Variants in LRFN2 observed in about 807,000 individuals in gnomAD.
The protein encoded by LRFN2 is leucine-rich repeat and fibronectin type-III domain-containing protein 2.
LRFN2 carries 18 observed loss-of-function variants against 37.3 expected under a neutral mutation model. That is an observed-to-expected ratio of 0.48 (90% CI 0.33 to 0.72). The LOEUF (loss-of-function observed/expected upper bound fraction) is 0.72, where lower values mean the gene tolerates loss of function less well. Ranked by LOEUF, LRFN2 falls within the 30% of genes least tolerant of loss-of-function variation. The probability of loss-of-function intolerance (pLI) is 0.02; values close to 1 mark genes in which losing one functional copy is unlikely to be tolerated. For synonymous variants in LRFN2, 556 were observed against 466.6 expected (o/e 1.19, Z -2.47); for missense variants, 1,006 against 1,060.7 (o/e 0.95, Z 0.72).
chr6:40,460,490 G>T (rs544977499), intron 1 of LRFN2, among the ~76,000 whole-genome samples: 1 of 152,274 alleles, frequency 6.6e-6, no homozygotes, highest in South Asian at 2.1e-4. Context: ...TGGAGAGCTG[G>T]ATTCAGCCCA....
chr6:40,571,951 G>A (rs1376752941), intron 1 of LRFN2, among the ~76,000 whole-genome samples: 6 of 152,210 alleles, frequency 3.9e-5, no homozygotes, highest in Non-Finnish European at 8.8e-5. Context: ...TGGAGGTTCT[G>A]AAGCTGCCCA....
At position 40,425,373 on chromosome 6, in the gene LRFN2, T is replaced by C. The variant is rs141562728; in HGVS notation, c.1400+6341A>G. On this transcript the variant is annotated intron_variant, in intron 2 of 2. Transcript: ENST00000338305. ...GGCTCTCCTGGGGATCATTCCAACA[T>C]CACGCCTGGTGACAGATGTTCTTGA... Among the ~76,000 whole-genome samples the C allele has an allele frequency of 3.6e-4, 55 of 152,330 alleles. No homozygotes were observed. In the East Asian group the frequency reaches 8.5e-3, roughly 24 times the overall value.
chr6:40,445,931 G>A (rs1315370784), intron 1 of LRFN2, among the ~76,000 whole-genome samples: 1 of 152,152 alleles, frequency 6.6e-6, no homozygotes, highest in African/African-American at 2.4e-5. Flanking sequence ...CCAGGGCCAG[G>A]CACAAAATAA....
intron 1 of LRFN2, among the ~76,000 whole-genome samples, chr6:40,535,634 C>T (rs1340906265): frequency 1.3e-5 from 2 of 152,316 alleles, no homozygotes; most frequent in Non-Finnish European, 2.9e-5. Flanking sequence ...CACCCTCCTC[C>T]TGCCCTCCAG....
At chr6:40,480,507 G>A (rs1298224321) in intron 1 of LRFN2, among the ~76,000 whole-genome samples, 1 of 152,170 alleles carries the variant, frequency 6.6e-6, no homozygotes, top group East Asian at 1.9e-4. Flanking sequence ...CGACCTCCTG[G>A]GTTCAATGAA....
chr6:40,462,234 GT>G (rs569274552), intron 1 of LRFN2, among the ~76,000 whole-genome samples: 105 of 152,324 alleles, frequency 6.9e-4, no homozygotes, highest in African/African-American at 2.3e-3. Context: ...CCCTGGCTTG[GT>G]CCAATGGCAG....
intron 1 of LRFN2, 99 bp from the exon 2 acceptor site, chr6:40,433,230 T>TGAG: frequency 2.1e-6 from 2 of 934,312 alleles, no homozygotes; most frequent in Non-Finnish European, 1.5e-6. Flanking sequence ...CCTTAGGGAG[T>TGAG]GGCATAGAAT....
At chr6:40,497,288 C>A (rs1659016028) in intron 1 of LRFN2, among the ~76,000 whole-genome samples, 1 of 152,154 alleles carries the variant, frequency 6.6e-6, no homozygotes. Context: ...CCACTGAGGA[C>A]CCTAGCATCT....
At chr6:40,555,563 A>G (rs1181072440) in intron 1 of LRFN2, among the ~76,000 whole-genome samples, 1 of 152,200 alleles carries the variant, frequency 6.6e-6, no homozygotes, top group African/African-American at 2.4e-5. Context: ...TCCAGGGTGC[A>G]GGAGGAGGAG....
chr6:40,519,592 G>C (rs1459441463), intron 1 of LRFN2, among the ~76,000 whole-genome samples: 1 of 152,196 alleles, frequency 6.6e-6, no homozygotes, highest in Non-Finnish European at 1.5e-5. Flanking sequence ...CAGCCTGCTG[G>C]TCTCAGGGGT....
At chr6:40,581,459 T>C (rs1459611851) in intron 1 of LRFN2, among the ~76,000 whole-genome samples, 10 of 152,176 alleles carry the variant, frequency 6.6e-5, no homozygotes. Context: ...CCAGCAAGCA[T>C]TCTCTGACCA....
chr6:40,433,063 C>A lies in LRFN2; in HGVS notation c.51G>T (p.Val17=). Residue 17 remains valine (V), a synonymous_variant, in exon 2 of 3, where the codon GTG becomes GTT. Transcript: ENST00000338305. ...CACAGTACTTGGGGCAGGCGTCGAC[C>A]ACGGCAAACGCCATGCCAAACGCTA... ...GLLAFGMAFA[V]VDACPKYCVC... is the part of the protein sequence containing the mutation. The A allele has an allele frequency of 1.3e-6, 2 of 1,549,404 alleles. No individual in the cohort carries two copies. The highest frequency in any genetic ancestry group is 1.7e-6 in the Non-Finnish European group (2 of 1,149,086).
At chr6:40,445,086 G>A (rs559462501) in intron 1 of LRFN2, among the ~76,000 whole-genome samples, 3 of 152,260 alleles carry the variant, frequency 2.0e-5, no homozygotes, top group Middle Eastern at 3.4e-3. Flanking sequence ...CCAGCCCCAC[G>A]TGGGCATGCA....
intron 1 of LRFN2, among the ~76,000 whole-genome samples, chr6:40,509,780 G>A (rs566775831): frequency 3.3e-5 from 5 of 151,178 alleles, no homozygotes; most frequent in Non-Finnish European, 7.4e-5. Flanking sequence ...TGTGCAGGCA[G>A]TGGGGTGGGG....
At chr6:40,495,525 A>G (rs1215507957) in intron 1 of LRFN2, among the ~76,000 whole-genome samples, 1 of 152,062 alleles carries the variant, frequency 6.6e-6, no homozygotes, top group African/African-American at 2.4e-5. Flanking sequence ...TGACCACCCA[A>G]CATCTTCTCA....
intron 1 of LRFN2, among the ~76,000 whole-genome samples, chr6:40,486,766 G>T (rs148175370): frequency 2.6e-5 from 4 of 152,326 alleles, no homozygotes; most frequent in East Asian, 1.9e-4. Flanking sequence ...TCCCACAAGG[G>T]TGTGTACGAG....
intron 2 of LRFN2, among the ~76,000 whole-genome samples, chr6:40,421,259 T>C (rs1215043646): frequency 1.3e-5 from 2 of 152,234 alleles, no homozygotes; most frequent in African/African-American, 2.4e-5. Context: ...AAGTATCTGA[T>C]AGGTCTCAAT....
At chr6:40,577,103 C>CTCTTCTCTTCTCTTCTCTT (rs1378101431) in intron 1 of LRFN2, among the ~76,000 whole-genome samples, 1 of 116,628 alleles carries the variant, frequency 8.6e-6, no homozygotes, top group African/African-American at 3.5e-5. Flanking sequence ...CTTTTCTTTT[C>CTCTTCTCTTCTCTTCTCTT]CTTTCTTTTC....
chr6:40,560,741 C>T (rs1192047701), intron 1 of LRFN2, among the ~76,000 whole-genome samples: 1 of 152,170 alleles, frequency 6.6e-6, no homozygotes, highest in East Asian at 1.9e-4. Context: ...TAACAGGGCA[C>T]TGTGCTTGGT....
Sources: allele counts gnomAD v4.1 joint callset (sites outside exome capture counted in the v4.1 genomes callset), GRCh38; gene constraint gnomAD v4.1.1; transcripts MANE v1.5; gene names NCBI Gene and HGNC (gene_info 2026-07-23, HGNC 2026-07-21).